CDC42BPA: variants seen among roughly 807,000 people sequenced by gnomAD.
The protein encoded by CDC42BPA is serine/threonine-protein kinase MRCK alpha.
Under a neutral mutation model 223.5 loss-of-function variants are expected in CDC42BPA, and 80 were observed. The observed-to-expected ratio is 0.36, with a 90% CI of 0.30 to 0.43. CDC42BPA has a LOEUF of 0.43. Among genes scored for constraint, CDC42BPA ranks in the 20% least tolerant of loss-of-function variants. CDC42BPA has a pLI of 1.00. For missense variants in CDC42BPA, 1,743 were observed against 2,099.9 expected, an observed-to-expected ratio of 0.83 and a Z score of 3.32; for synonymous variants, 694 against 718.6, an observed-to-expected ratio of 0.97 and a Z score of 0.55.
intron 31 of CDC42BPA, 64 bp downstream of exon 31, chr1:227,025,991 T>C (rs566199095): frequency 1.5e-5 from 12 of 827,454 alleles, no homozygotes; most frequent in Non-Finnish European, 2.2e-5. Flanking sequence ...AAAATTACTA[T>C]GTAGTAATTT....
chr1:227,137,940 T>C (rs960673320), intron 10 of CDC42BPA, among the ~76,000 whole-genome samples: 1 of 152,130 alleles, frequency 6.6e-6, no homozygotes, highest in Non-Finnish European at 1.5e-5. Context: ...GAAGGTTACA[T>C]CAGTGTATAC....
chr1:227,150,232 A>AT (rs965854068), intron 6 of CDC42BPA, among the ~76,000 whole-genome samples: 1 of 151,392 alleles, frequency 6.6e-6, no homozygotes, highest in Non-Finnish European at 1.5e-5. Flanking sequence ...CTCAAAAAAA[A>AT]AAAAACAAAA....
chr1:227,138,248 T>G (rs1384094859), intron 10 of CDC42BPA, among the ~76,000 whole-genome samples: 2 of 151,974 alleles, frequency 1.3e-5, no homozygotes, highest in Non-Finnish European at 2.9e-5. Context: ...ATTCCTTCAT[T>G]CACAAAATAT....
chr1:227,209,587 A>G (rs1673497899), intron 3 of CDC42BPA, among the ~76,000 whole-genome samples: 1 of 145,098 alleles, frequency 6.9e-6, no homozygotes, highest in African/African-American at 2.6e-5. Flanking sequence ...ATTTTGTCAA[A>G]GGCTTTTTCT....
chr1:227,161,105 A>C (rs1663806209), intron 5 of CDC42BPA, among the ~76,000 whole-genome samples: 1 of 152,214 alleles, frequency 6.6e-6, no homozygotes, highest in East Asian at 1.9e-4. Flanking sequence ...AAATTGCTTC[A>C]TAAAGTTGAT....
chr1:227,195,640 G>T (rs1670546371), intron 4 of CDC42BPA, among the ~76,000 whole-genome samples: 1 of 151,988 alleles, frequency 6.6e-6, no homozygotes, highest in Non-Finnish European at 1.5e-5. Context: ...CATATTTTAA[G>T]ATCCCAAATA....
chr1:227,068,850 CTT>C (rs1169137039), intron 21 of CDC42BPA: 7 of 189,462 alleles, frequency 3.7e-5, no homozygotes, highest in African/African-American at 7.2e-5. Context: ...TATCATTGTT[CTT>C]GAGAAACTTA....
intron 5 of CDC42BPA, among the ~76,000 whole-genome samples, chr1:227,186,241 C>A (rs1329307213): frequency 6.6e-6 from 1 of 152,178 alleles, no homozygotes; most frequent in Non-Finnish European, 1.5e-5. Context: ...TCAACCAGGT[C>A]CTCATAGTGA....
intron 15 of CDC42BPA, among the ~76,000 whole-genome samples, chr1:227,093,524 C>A (rs1424302359): frequency 1.3e-5 from 2 of 152,162 alleles, no homozygotes; most frequent in Admixed American, 6.5e-5. Context: ...ATGTGGACTC[C>A]AGACTGAGTG....
At chr1:227,068,652 A>C (rs1243598160) in intron 21 of CDC42BPA, 1 of 1,195,030 alleles carries the variant, frequency 8.4e-7, no homozygotes, top group Non-Finnish European at 1.1e-6. Flanking sequence ...TCAAAGACTT[A>C]CGTCATCCAA....
intron 1 of CDC42BPA, among the ~76,000 whole-genome samples, chr1:227,261,124 C>CTTTTTT (rs386369874): frequency 5.0e-5 from 6 of 121,024 alleles, no homozygotes; most frequent in South Asian, 2.8e-4. Flanking sequence ...TTGAGTTTTT[C>CTTTTTT]TTTTTTTTTG....
intron 12 of CDC42BPA, among the ~76,000 whole-genome samples, chr1:227,117,718 AT>A (rs1687989755): frequency 6.7e-6 from 1 of 148,546 alleles, no homozygotes; most frequent in African/African-American, 2.6e-5. Context: ...ATTTAGGAGA[AT>A]TTTTTAAAAT....
At chr1:227,043,366 T>C (rs1558358970) in intron 23 of CDC42BPA, among the ~76,000 whole-genome samples, 2 of 146,344 alleles carry the variant, frequency 1.4e-5, no homozygotes, top group Non-Finnish European at 3.0e-5. Flanking sequence ...CGAGCTGAGA[T>C]CACGCCACTG....
rs745941900 is a variant in CDC42BPA, at chr1:227,023,297, G to C, written c.4581C>G (p.Thr1527=). The change falls in exon 32 of 37, where the codon ACC becomes ACG. Residue 1527 remains threonine (T), a synonymous_variant. Coordinates refer to ENST00000366766, the MANE Select transcript of CDC42BPA (RefSeq NM_001394014.1). Reference sequence around the variant, plus strand: ...TATTTTTGAAATATATTAATCTAATGGTCTCCAACCCTAAAAGATTTAATG... The same window carrying C: ...TATTTTTGAAATATATTAATCTAATCGTCTCCAACCCTAAAAGATTTAATG... ...EGSLNLLGLE[T]IRLIYFKNKM... is the part of the protein sequence containing the mutation. 2 of 1,536,444 alleles carry C rather than the reference G, an allele frequency of 1.3e-6. No individual in the cohort carries two copies. The highest frequency in any genetic ancestry group is 1.7e-5 in the Admixed American group (1 of 57,240).
intron 32 of CDC42BPA, among the ~76,000 whole-genome samples, chr1:227,021,125 G>A (rs1453621305): frequency 6.6e-6 from 1 of 152,182 alleles, no homozygotes; most frequent in African/African-American, 2.4e-5. Context: ...ACTGATCACA[G>A]ATCACCGTAA....
chr1:227,133,144 G>A (rs1238394062), intron 10 of CDC42BPA, among the ~76,000 whole-genome samples: 1 of 149,862 alleles, frequency 6.7e-6, no homozygotes, highest in African/African-American at 2.5e-5. Flanking sequence ...GGGCACCTCT[G>A]CCCGGCCACC....
intron 1 of CDC42BPA, among the ~76,000 whole-genome samples, chr1:227,275,738 G>C (rs891727848): frequency 7.9e-5 from 12 of 152,080 alleles, no homozygotes; most frequent in African/African-American, 2.9e-4. Flanking sequence ...GAGTGCCTGG[G>C]ATTGCAGGCA....
chr1:227,144,185 TTTG>T (rs1194704730), intron 8 of CDC42BPA, among the ~76,000 whole-genome samples: 9 of 152,198 alleles, frequency 5.9e-5, no homozygotes, highest in Non-Finnish European at 5.9e-5. Flanking sequence ...AAATAAAGAT[TTTG>T]TTAAGTCATA....
intron 2 of CDC42BPA, among the ~76,000 whole-genome samples, chr1:227,251,701 T>C (rs1003488344): frequency 3.3e-5 from 5 of 152,222 alleles, no homozygotes; most frequent in Non-Finnish European, 5.9e-5. Context: ...ACATTTGTTA[T>C]CAGCAAAAAC....
Sources: gnomAD v4.1 joint callset for allele counts (sites outside exome capture counted in the v4.1 genomes callset) on GRCh38, gnomAD v4.1.1 for gene constraint, MANE v1.5 for transcripts, NCBI Gene and HGNC (gene_info 2026-07-23, HGNC 2026-07-21) for gene names.